The following CHD1L variants were observed in gnomAD, a reference collection of about 807,000 sequenced individuals.
CHD1L encodes the protein ATP-dependent chromatin remodeler CHD1L.
A neutral mutation model predicts 115.9 loss-of-function variants in CHD1L; 118 were observed. The observed-to-expected ratio is 1.02, with a 90% confidence interval of 0.88 to 1.19. The LOEUF (loss-of-function observed/expected upper bound fraction) is 1.19. Ranked by LOEUF, CHD1L falls within the 50% of genes most tolerant of loss-of-function variation. The probability of loss-of-function intolerance (pLI) is 0.00; values close to 1 mark genes in which losing one functional copy is unlikely to be tolerated. For synonymous variants in CHD1L, 411 were observed against 387.1 expected, an observed-to-expected ratio of 1.06 and a Z score of -0.72; for missense variants, 1,179 against 1,065.3, an observed-to-expected ratio of 1.11 and a Z score of -1.49.
chr1:147,209,437 C>CAA, the CHD1L span, among the ~76,000 whole-genome samples: 24,669 of 109,798 alleles, frequency 0.22, 3,545 homozygotes, highest in Middle Eastern at 0.3. Flanking sequence ...GACTCCGTCT[C>CAA]AAAAAAAAAA....
In CHD1L at chr1:147,295,687, G is replaced by T. The variant is rs900042794; in HGVS notation, c.*178G>T. On this transcript the variant is annotated 3_prime_UTR_variant, in exon 23 of 23. Transcript: ENST00000369258. The stretch of plus-strand genomic sequence containing the variant: ...CTCTGTTTTGGTACCTGTAATATAG[G>T]GAAACACAACTTTTTTTGGGAAAGC... The T allele has an allele frequency of 5.7e-6, 3 of 525,498 alleles. No individual in the cohort carries two copies. Among genetic ancestry groups the T allele is most frequent in the Non-Finnish European group, 9.8e-6 (3 of 305,322 alleles). The allele number at this position is 525,498 out of a possible 1,614,324, so 32.6% of individuals were successfully genotyped here. A position where few individuals can be genotyped will look rare whatever the true frequency, so the allele number is the denominator to read the frequency against.
chr1:147,276,236 C>A lies in CHD1L; in HGVS notation c.1518C>A (p.Pro506=). 6.2e-7 allele frequency: 1 copy of A among 1,614,140 alleles called. No homozygotes were observed. Among genetic ancestry groups the A allele is most frequent in the Non-Finnish European group, 8.5e-7 (1 of 1,179,998 alleles). ...ATTTTACTCTGGGAGCCCAGAAACC[C>A]GCTGCCGATGCTGACCTCCAGGTAT... The part of the protein sequence containing the change: ...GGHFTLGAQK[P]AADADLQLSE... The change falls in exon 14 of 23, where the codon CCC becomes CCA. Residue 506 remains proline (P), a synonymous_variant. Transcript: ENST00000369258.
At chr1:147,209,109 C>A in the CHD1L span, 1 of 1,466,634 alleles carries the variant, frequency 6.8e-7, no homozygotes, top group Non-Finnish European at 9.4e-7. Context: ...CCTTCAAAAG[C>A]ACCCCCATTT....
At chr1:147,254,396 A>G (rs1388116483) in intron 2 of CHD1L, among the ~76,000 whole-genome samples, 3 of 152,164 alleles carry the variant, frequency 2.0e-5, no homozygotes, top group Admixed American at 1.3e-4. Context: ...CAGTAGGGGA[A>G]GGTGGGAGGA....
At chr1:147,206,937 A>AATAT in the CHD1L span, among the ~76,000 whole-genome samples, 1 of 151,664 alleles carries the variant, frequency 6.6e-6, no homozygotes, top group Non-Finnish European at 1.5e-5. Context: ...GTATAATAAA[A>AATAT]ATATATATAT....
chr1:147,293,149 G>A (rs1303352232), intron 20 of CHD1L, among the ~76,000 whole-genome samples: 1 of 152,168 alleles, frequency 6.6e-6, no homozygotes, highest in African/African-American at 2.4e-5. Flanking sequence ...CTTAGGTTAG[G>A]ATGGTTGAGA....
intron 2 of CHD1L, 32 bp downstream of exon 2, chr1:147,252,767 G>C: frequency 1.3e-6 from 2 of 1,497,106 alleles, no homozygotes; most frequent in Non-Finnish European, 1.9e-6. Flanking sequence ...ACTGCTCACC[G>C]CCACTGCGAT....
intron 19 of CHD1L, among the ~76,000 whole-genome samples, chr1:147,289,164 C>G (rs1044491521): frequency 6.6e-6 from 1 of 152,040 alleles, no homozygotes; most frequent in African/African-American, 2.4e-5. Context: ...GTTGGCAAAG[C>G]AAAACCCAGG....
the CHD1L span, among the ~76,000 whole-genome samples, chr1:147,214,042 A>T: frequency 1.3e-5 from 2 of 152,228 alleles, no homozygotes; most frequent in African/African-American, 4.8e-5. Context: ...GAAACAGGAT[A>T]GTGTTATGAT....
chr1:147,228,055 A>C, the CHD1L span, among the ~76,000 whole-genome samples: 2 of 151,784 alleles, frequency 1.3e-5, no homozygotes, highest in African/African-American at 4.8e-5. Context: ...CATGTGCACA[A>C]CGTGCAGGTT....
At position 147,254,873 on chromosome 1, in the gene CHD1L, A is replaced by G. The variant is rs1571695588; in HGVS notation, c.244A>G (p.Ile82Val). Reference sequence around the variant, plus strand: ...CCTTTCTTTTTCTGTGTTCCAGACTATTGCTCTCTTCATTTATTTGGCAGG... The same window carrying G: ...CCTTTCTTTTTCTGTGTTCCAGACTGTTGCTCTCTTCATTTATTTGGCAGG... ...EMGLGKTCQT[I>V]ALFIYLAGRL... is the part of the protein sequence containing the mutation. Residue 82 changes from isoleucine to valine, a missense_variant, in exon 3 of 23, where the codon ATT becomes GTT. Ile to Val is a conservative substitution (Grantham distance 29). Coordinates refer to ENST00000369258, the MANE Select transcript of CHD1L (RefSeq NM_004284.6). 3.1e-6 allele frequency: 5 copies of G among 1,599,326 alleles called. No homozygotes were observed. The highest frequency in any genetic ancestry group is 2.2e-5 in the East Asian group (1 of 44,688).
chr1:147,244,154 T>C (rs1235111062), intron 1 of CHD1L, among the ~76,000 whole-genome samples: 1 of 152,230 alleles, frequency 6.6e-6, no homozygotes, highest in Non-Finnish European at 1.5e-5. Context: ...CTTTAAGAAC[T>C]TGTGTGAGAG....
the CHD1L span, chr1:147,179,298 A>G: frequency 1.5e-5 from 24 of 1,608,312 alleles, no homozygotes; most frequent in Non-Finnish European, 1.8e-5. Flanking sequence ...ATGAAAATAA[A>G]GATGTGCTGA....
chr1:147,252,554 T>C, intron 1 of CHD1L, 69 bp from the exon 2 acceptor site: 2 of 1,221,494 alleles, frequency 1.6e-6, no homozygotes, highest in Non-Finnish European at 2.4e-6. Flanking sequence ...TCATTCAAAC[T>C]CTTAGAACAT....
the CHD1L span, among the ~76,000 whole-genome samples, chr1:147,214,473 A>AC: frequency 2.7e-5 from 4 of 150,864 alleles, no homozygotes; most frequent in East Asian, 1.9e-4. Context: ...AAACAAAAAA[A>AC]AAAAGAGAGA....
the CHD1L span, among the ~76,000 whole-genome samples, chr1:147,236,096 C>T: frequency 1.8e-3 from 278 of 152,318 alleles, 1 homozygote; most frequent in African/African-American, 6.4e-3. Context: ...AGGCAGGCAG[C>T]TCCAGGTGCC....
intron 8 of CHD1L, among the ~76,000 whole-genome samples, chr1:147,267,046 C>CT (rs1674220839): frequency 6.6e-6 from 1 of 152,140 alleles, no homozygotes; most frequent in African/African-American, 2.4e-5. Flanking sequence ...GAGTGCAAAA[C>CT]TTTTTTGTTG....
At position 147,272,155 on chromosome 1, in the gene CHD1L, C is replaced by G; in HGVS notation, c.1160-16C>G. 6.3e-7 allele frequency: 1 copy of G among 1,592,306 alleles called. No individual in the cohort carries two copies. The highest frequency in any genetic ancestry group is 8.6e-7 in the Non-Finnish European group (1 of 1,167,360). ...GAAAAGGGTTAAGATTTCTGTTTTT[C>G]TTCCTCTCTGTAAAGGCTACAGCTA... On this transcript the variant is annotated splice_polypyrimidine_tract_variant and intron_variant, in intron 11 of 22. Coordinates refer to ENST00000369258, the MANE Select transcript of CHD1L (RefSeq NM_004284.6).
intron 20 of CHD1L, among the ~76,000 whole-genome samples, chr1:147,292,844 C>G (rs1317443433): frequency 1.3e-5 from 2 of 152,300 alleles, no homozygotes; most frequent in East Asian, 3.9e-4. Flanking sequence ...CCCCATGATC[C>G]AATACCTCCC....
Sources: gnomAD v4.1 joint callset for allele counts (sites outside exome capture counted in the v4.1 genomes callset) on GRCh38, gnomAD v4.1.1 for gene constraint, MANE v1.5 for transcripts, NCBI Gene and HGNC (gene_info 2026-07-23, HGNC 2026-07-21) for gene names.